DOT1L: variants seen among roughly 807,000 people sequenced by gnomAD.
DOT1L encodes the protein histone-lysine N-methyltransferase, H3 lysine-79 specific.
In DOT1L, 33 loss-of-function variants were observed where a neutral mutation model predicts 153.3. The observed-to-expected ratio is 0.22, with a 90% CI of 0.16 to 0.29. DOT1L has a LOEUF of 0.29. Among genes scored for constraint, DOT1L ranks in the 10% least tolerant of loss-of-function variants. DOT1L has a pLI of 1.00. For synonymous variants in DOT1L, 1,135 were observed against 965.1 expected (o/e 1.18, Z -3.26); for missense variants, 1,847 against 2,119.9 (o/e 0.87, Z 2.53).
chr19:2,217,100 G>A lies in DOT1L; in HGVS notation c.2544+10G>A, dbSNP rs903451636. 1.7e-5 allele frequency: 27 copies of A among 1,583,792 alleles called. No homozygotes were observed. Among genetic ancestry groups the A allele is most frequent in the Middle Eastern group, 3.4e-4 (2 of 5,900 alleles). The stretch of plus-strand genomic sequence containing the variant: ...GAAGAGCAGTGAGAAGGTGCGGGCC[G>A]CGACCCCTGCCCCGGGCTCAGGGAG... On this transcript the variant is annotated intron_variant, in intron 21 of 27. Transcript: ENST00000398665. The surrounding 1 kb of genome is among the most constrained non-coding windows in gnomAD (Gnocchi z 7.3).
intron 1 of DOT1L, among the ~76,000 whole-genome samples, chr19:2,178,842 G>T (rs1311815567): frequency 2.0e-5 from 3 of 152,236 alleles, no homozygotes; most frequent in African/African-American, 7.2e-5. Flanking sequence ...TGGGATTCCA[G>T]GTGTGAGCCA....
chr19:2,176,270 G>A (rs1002077541), intron 1 of DOT1L, among the ~76,000 whole-genome samples: 2 of 152,156 alleles, frequency 1.3e-5, no homozygotes, highest in African/African-American at 4.8e-5. Context: ...TGGACAGGAG[G>A]CAGTGCGAGC....
At chr19:2,214,036 C>G (rs776113177) in intron 18 of DOT1L, 50 bp downstream of exon 18, 1 of 1,583,498 alleles carries the variant, frequency 6.3e-7, no homozygotes, top group Non-Finnish European at 8.6e-7. Context: ...GGGGCCCTGC[C>G]TGGGCGGGTG....
intron 2 of DOT1L, among the ~76,000 whole-genome samples, chr19:2,183,388 C>G (rs1599549256): frequency 6.6e-6 from 1 of 152,320 alleles, no homozygotes; most frequent in African/African-American, 2.4e-5. Context: ...CCAGGCTGGT[C>G]TCAAACTCCT....
In DOT1L at chr19:2,217,017, A is replaced by G. The variant is rs1471818498; in HGVS notation, c.2471A>G (p.Lys824Arg). 1.9e-6 allele frequency: 3 copies of G among 1,613,098 alleles called. No individual in the cohort carries two copies. The highest frequency in any genetic ancestry group is 1.7e-6 in the Non-Finnish European group (2 of 1,179,886). ...AGCCCCAGCGTGCCTGGCAGCATGA[A>G]GCTGAGCCCTCAGGACCCGCGGCCC... ...YQSPSVPGSM[K>R]LSPQDPRPLS... is the part of the protein sequence containing the mutation. The change falls in exon 21 of 28, where the codon AAG becomes AGG. Residue 824 changes from lysine (K) to arginine (R), a missense_variant. Around this residue, in one of 8 missense-constraint regions of DOT1L, gnomAD observed 281 missense variants for 263.6 expected, o/e 1.07. Coordinates refer to ENST00000398665, the MANE Select transcript of DOT1L (RefSeq NM_032482.3). The surrounding 1 kb of genome is among the most constrained non-coding windows in gnomAD (Gnocchi z 7.3).
chr19:2,207,688 T>G lies in DOT1L; in HGVS notation c.963+8T>G. On this transcript the variant is annotated splice_region_variant and intron_variant, in intron 11 of 27. Transcript: ENST00000398665. This position sits in a 1 kb window ranked among gnomAD's most constrained non-coding sequence, Gnocchi z 4.5. ...ACTATCGACCGCACCATAGTGAGTA[T>G]CTCGCTGCGCCTCAGCCGCAGGGCC... 1 of 1,606,678 alleles carries G rather than the reference T, an allele frequency of 6.2e-7. No individual in the cohort carries two copies. The highest frequency in any genetic ancestry group is 8.5e-7 in the Non-Finnish European group (1 of 1,177,052).
intron 7 of DOT1L, among the ~76,000 whole-genome samples, chr19:2,198,968 C>T (rs548586043): frequency 2.6e-5 from 4 of 152,250 alleles, no homozygotes; most frequent in South Asian, 4.1e-4. Context: ...TGCTGATGGA[C>T]GCTTGGCTGC....
intron 14 of DOT1L, 37 bp downstream of exon 14, chr19:2,210,892 G>C (rs767753682): frequency 1.9e-6 from 3 of 1,601,260 alleles, no homozygotes; most frequent in South Asian, 1.1e-5. Flanking sequence ...CGCTCTCCCC[G>C]AGTGCGGATG....
intron 7 of DOT1L, among the ~76,000 whole-genome samples, chr19:2,199,426 C>G (rs796126453): frequency 3.1e-4 from 47 of 152,380 alleles, no homozygotes; most frequent in African/African-American, 1.1e-3. Context: ...GAGGGTGCCC[C>G]CCAGCGCCCT....
intron 15 of DOT1L, among the ~76,000 whole-genome samples, chr19:2,211,454 A>C (rs1599595152): frequency 6.6e-6 from 1 of 152,182 alleles, no homozygotes; most frequent in South Asian, 2.1e-4. Flanking sequence ...TGCAGTTGTC[A>C]TAACTTAGGG....
At chr19:2,198,421 C>T (rs538734058) in intron 7 of DOT1L, among the ~76,000 whole-genome samples, 5 of 151,866 alleles carry the variant, frequency 3.3e-5, no homozygotes, top group Non-Finnish European at 7.4e-5. Flanking sequence ...GCAGCTGCTC[C>T]TGGCCGGGGC....
chr19:2,217,150 G>A lies in DOT1L; in HGVS notation c.2544+60G>A, dbSNP rs1035325931. 146 of 1,502,018 alleles carry A rather than the reference G, an allele frequency of 9.7e-5. No homozygotes were observed. Among genetic ancestry groups the A allele is most frequent in the Non-Finnish European group, 1.2e-4 (131 of 1,128,096 alleles). The allele number at this position is 1,502,018 out of a possible 1,614,324, so 93.0% of individuals were successfully genotyped here. ...GGTGCTCAGCAGAGGCGGCCTGAGC[G>A]AGTTGCTAGCAGGAGGGCTTGTCCT... On this transcript the variant is annotated intron_variant, in intron 21 of 27. Coordinates refer to ENST00000398665, the MANE Select transcript of DOT1L (RefSeq NM_032482.3). This position sits in a 1 kb window ranked among gnomAD's most constrained non-coding sequence, Gnocchi z 7.3.
At chr19:2,198,457 G>A (rs192348731) in intron 7 of DOT1L, among the ~76,000 whole-genome samples, 2 of 152,308 alleles carry the variant, frequency 1.3e-5, no homozygotes, top group East Asian at 1.9e-4. Context: ...CTGGATCTGC[G>A]TCTGGGTGGA....
At chr19:2,206,281 G>A (rs868074493) in intron 9 of DOT1L, among the ~76,000 whole-genome samples, 1 of 152,040 alleles carries the variant, frequency 6.6e-6, no homozygotes, top group Admixed American at 6.6e-5. Context: ...CCACTGCACC[G>A]CGCCGAGAAT....
rs540306050 is a variant in DOT1L at position 2,199,798 on chromosome 19, A to C, written c.652-86A>C. ...CTTCACTGCAAGCGGAGCTGTGTTC[A>C]TTCCATTCTTTCTTCACAGGGGCTG... On this transcript the variant is annotated intron_variant, in intron 7 of 27. Transcript: ENST00000398665. 98 of 1,431,086 alleles carry C rather than the reference A, an allele frequency of 6.8e-5. No individual in the cohort carries two copies. In the East Asian group the frequency reaches 2.8e-3, roughly 41 times the overall value. The allele number at this position is 1,431,086 out of a possible 1,614,324, so 88.6% of individuals were successfully genotyped here.
chr19:2,183,971 A>G (rs147699793), intron 2 of DOT1L, among the ~76,000 whole-genome samples: 1 of 149,564 alleles, frequency 6.7e-6, no homozygotes, highest in Non-Finnish European at 1.5e-5. Flanking sequence ...TGCTGCTAGT[A>G]TGTGTAAAGA....
chr19:2,220,733 T>G lies in DOT1L; in HGVS notation c.2806+511T>G, dbSNP rs1599611670. The G allele has an allele frequency of 5.7e-6, 2 of 353,396 alleles. No homozygotes were observed. The highest frequency in any genetic ancestry group is 1.5e-4 in the East Asian group (2 of 13,384). 21.9% of individuals were successfully genotyped at this position (353,396 alleles called of 1,614,324 possible). A position where few individuals can be genotyped will look rare whatever the true frequency, so the allele number is the denominator to read the frequency against. ...GTTGACACTGCAGGCCTGTCTGTTGTGGAAGCCGCAGAGACAGCATGTCAG... is the reference window on the plus strand; with the variant it reads ...GTTGACACTGCAGGCCTGTCTGTTGGGGAAGCCGCAGAGACAGCATGTCAG... On this transcript the variant is annotated intron_variant, in intron 23 of 27. Transcript: ENST00000398665. This position sits in a 1 kb window ranked among gnomAD's most constrained non-coding sequence, Gnocchi z 4.5.
intron 12 of DOT1L, among the ~76,000 whole-genome samples, chr19:2,209,339 G>A (rs2023624160): frequency 6.6e-6 from 1 of 152,142 alleles, no homozygotes; most frequent in African/African-American, 2.4e-5. Context: ...GTTTGGCCTG[G>A]GACATCCTTC....
intron 19 of DOT1L, 41 bp from the exon 20 acceptor site, chr19:2,216,239 TC>T (rs2144864795): frequency 6.6e-7 from 1 of 1,526,492 alleles, no homozygotes. Context: ...CCTGGAGTGG[TC>T]CCCCGGTGGG....
Sources: allele counts gnomAD v4.1 joint callset (sites outside exome capture counted in the v4.1 genomes callset), GRCh38; gene constraint gnomAD v4.1.1; regional missense constraint gnomAD v4.1.1; non-coding constraint Gnocchi (gnomAD v3.1); transcripts MANE v1.5; gene names NCBI Gene and HGNC (gene_info 2026-07-23, HGNC 2026-07-21).